Variants in ZNF180 observed in about 807,000 individuals in gnomAD.
ZNF180 encodes zinc finger protein 180.
Under a neutral mutation model 11.8 loss-of-function variants are expected in ZNF180, and 11 were observed. The observed-to-expected ratio is 0.93, with a 90% CI of 0.59 to 1.55. ZNF180 has a LOEUF of 1.55. ZNF180 is among the 40% of genes most tolerant of loss of function. ZNF180 has a pLI of 0.00. For missense variants in ZNF180, 773 were observed against 781.7 expected, an observed-to-expected ratio of 0.99 and a Z score of 0.13; for synonymous variants, 287 against 257.7, an observed-to-expected ratio of 1.11 and a Z score of -1.09.
chr19:44,479,564 G>T, intron 3 of ZNF180, 155 bp from the exon 4 acceptor site: 1 of 956,600 alleles, frequency 1.0e-6, no homozygotes, highest in East Asian at 2.6e-5. Flanking sequence ...AAGATGTACA[G>T]GTGCCTTCTG....
intron 2 of ZNF180, among the ~76,000 whole-genome samples, chr19:44,491,528 T>G (rs1361169234): frequency 6.6e-6 from 1 of 152,236 alleles, no homozygotes; most frequent in African/African-American, 2.4e-5. Flanking sequence ...TTTTTAGTAA[T>G]ACATAGAGTA....
At chr19:44,482,677 G>A (rs1040170732) in intron 3 of ZNF180, among the ~76,000 whole-genome samples, 6 of 152,026 alleles carry the variant, frequency 3.9e-5, no homozygotes, top group Admixed American at 3.9e-4. Flanking sequence ...GTCAGCTGAT[G>A]AGAATATAAA....
intron 3 of ZNF180, among the ~76,000 whole-genome samples, chr19:44,480,332 T>C (rs942760885): frequency 6.6e-6 from 1 of 152,196 alleles, no homozygotes; most frequent in East Asian, 1.9e-4. Context: ...CTCAGACTCC[T>C]GTGTTCAAGG....
At chr19:44,498,760 T>G (rs1307188078) in intron 1 of ZNF180, among the ~76,000 whole-genome samples, 1 of 152,084 alleles carries the variant, frequency 6.6e-6, no homozygotes, top group Non-Finnish European at 1.5e-5. Context: ...GGACTGCCCA[T>G]GCCTCCCCAA....
At chr19:44,488,003 G>A (rs1234725035) in intron 2 of ZNF180, among the ~76,000 whole-genome samples, 2 of 151,970 alleles carry the variant, frequency 1.3e-5, no homozygotes, top group Non-Finnish European at 2.9e-5. Flanking sequence ...GGGATTACAG[G>A]CGTGAGCCAC....
Position 44,476,907 on chromosome 19 carries a change from T to C in ZNF180, c.1493A>G (p.Gln498Arg), listed in dbSNP as rs1454938418. ...HTGEKPFECN[Q>R]CGKSFSWSSQ... ...GCTCCAGCTGAAGGATTTCCCACAC[T>C]GATTACATTCAAAGGGTTTTTCTCC... The change falls in exon 5 of 5, where the codon CAG becomes CGG. Residue 498 changes from glutamine to arginine, a missense_variant. Transcript: ENST00000592529. 6.2e-7 allele frequency: 1 copy of C among 1,614,148 alleles called. No individual in the cohort carries two copies.
rs767761149 is a variant in ZNF180 at position 44,477,328 on chromosome 19, C to T, written c.1072G>A (p.Glu358Lys). Residue 358 changes from glutamate to lysine, a missense_variant, in exon 5 of 5, where the codon GAA becomes AAA. Physicochemically the swap from Glu to Lys is moderately conservative, Grantham distance 56. Transcript: ENST00000592529. ...CTCCGGCTGAAGGATTTTCCACATT[C>T]ACTACATTCATAAGGTTTCTCCCCT... ...HTGEKPYECS[E>K]CGKSFSRSSH... The T allele has an allele frequency of 6.2e-7, 1 of 1,612,066 alleles. No homozygotes were observed. Among genetic ancestry groups the T allele is most frequent in the South Asian group, 1.1e-5 (1 of 90,946 alleles).
At chr19:44,481,067 G>A (rs745738535) in intron 3 of ZNF180, among the ~76,000 whole-genome samples, 1 of 152,198 alleles carries the variant, frequency 6.6e-6, no homozygotes, top group African/African-American at 2.4e-5. Context: ...CTCTTGGGCT[G>A]CCTCCTCTAA....
At chr19:44,491,028 T>C (rs1300858762) in intron 2 of ZNF180, among the ~76,000 whole-genome samples, 1 of 152,230 alleles carries the variant, frequency 6.6e-6, no homozygotes, top group Non-Finnish European at 1.5e-5. Flanking sequence ...GTGAGTTTCA[T>C]AAGAGCTGAG....
At chr19:44,489,839 GAAGA>G (rs1970381288) in intron 2 of ZNF180, among the ~76,000 whole-genome samples, 1 of 140,510 alleles carries the variant, frequency 7.1e-6, no homozygotes, top group Non-Finnish European at 1.6e-5. Flanking sequence ...GAAAAGAAGA[GAAGA>G]GATGAGAAGA....
Position 44,479,474 on chromosome 19 carries a change from A to G in ZNF180, c.127-65T>C. 1.9e-6 allele frequency: 3 copies of G among 1,598,878 alleles called. No homozygotes were observed. The East Asian group carries it at 6.8e-5, about 36-fold the overall frequency. The stretch of plus-strand genomic sequence containing the variant: ...TTCCTTCCAAAGTTCATGGAGGAGG[A>G]AAAGTCTGACAGATGGAAAAAGGAA... On this transcript the variant is annotated intron_variant, in intron 3 of 4. Transcript: ENST00000592529.
intron 3 of ZNF180, among the ~76,000 whole-genome samples, chr19:44,479,904 G>A (rs1374808237): frequency 6.6e-6 from 1 of 152,108 alleles, no homozygotes; most frequent in Admixed American, 6.5e-5. Flanking sequence ...AATGGGTGTG[G>A]CTACATTACA....
intron 2 of ZNF180, among the ~76,000 whole-genome samples, chr19:44,488,322 C>G (rs1970302457): frequency 6.6e-6 from 1 of 151,340 alleles, no homozygotes; most frequent in South Asian, 2.1e-4. Context: ...CGAGCCGAAG[C>G]TGGACTGTAC....
At chr19:44,479,495 A>T (rs1273922150) in intron 3 of ZNF180, 86 bp from the exon 4 acceptor site, 4 of 1,559,736 alleles carry the variant, frequency 2.6e-6, no homozygotes, top group Non-Finnish European at 3.5e-6. Context: ...AGATGGAAAA[A>T]GGAAAATTGG....
chr19:44,499,972 G>A (rs932560844), intron 1 of ZNF180, among the ~76,000 whole-genome samples: 1 of 152,198 alleles, frequency 6.6e-6, no homozygotes, highest in African/African-American at 2.4e-5. Context: ...CGGCATTGGA[G>A]GAGGGGAGTT....
At chr19:44,496,992 T>C (rs919380448) in intron 2 of ZNF180, among the ~76,000 whole-genome samples, 2 of 152,230 alleles carry the variant, frequency 1.3e-5, no homozygotes, top group African/African-American at 4.8e-5. Flanking sequence ...ACATTTAGTA[T>C]ATTTCCAATT....
intron 2 of ZNF180, among the ~76,000 whole-genome samples, chr19:44,488,725 A>G (rs967342314): frequency 2.1e-5 from 3 of 141,424 alleles, no homozygotes; most frequent in Non-Finnish European, 3.1e-5. Context: ...CTGGCTGCCC[A>G]TTGTCTGGGA....
At chr19:44,479,477 A>C in intron 3 of ZNF180, 68 bp from the exon 4 acceptor site, 3 of 1,594,212 alleles carry the variant, frequency 1.9e-6, no homozygotes, top group South Asian at 1.1e-5. Flanking sequence ...GAGGAGGAAA[A>C]GTCTGACAGA....
At chr19:44,498,591 C>T (rs1283917762) in intron 1 of ZNF180, among the ~76,000 whole-genome samples, 1 of 152,134 alleles carries the variant, frequency 6.6e-6, no homozygotes, top group Non-Finnish European at 1.5e-5. Context: ...TCCAATCACA[C>T]AAAGACCCCA....
Sources: allele counts gnomAD v4.1 joint callset (sites outside exome capture counted in the v4.1 genomes callset), GRCh38; gene constraint gnomAD v4.1.1; transcripts MANE v1.5; gene names NCBI Gene and HGNC (gene_info 2026-07-23, HGNC 2026-07-21).